The following SNX29 variants were observed in gnomAD, a reference collection of about 807,000 sequenced individuals.
The protein encoded by SNX29 is sorting nexin 29.
Under a neutral mutation model 102.1 loss-of-function variants are expected in SNX29, and 78 were observed. That is an observed-to-expected ratio of 0.76 (90% CI 0.64 to 0.92). SNX29 has a LOEUF of 0.92. Among genes scored for constraint, SNX29 ranks in the 40% least tolerant of loss-of-function variants. SNX29 has a pLI of 0.00. For missense variants in SNX29, 1,280 were observed against 1,061.7 expected, an observed-to-expected ratio of 1.21 and a Z score of -2.86; for synonymous variants, 580 against 414.5, an observed-to-expected ratio of 1.40 and a Z score of -4.85.
Position 12,569,985 on chromosome 16 carries a change from G to C in SNX29, c.*1356G>C, listed in dbSNP as rs1181314630. 1 of 249,320 alleles carries C rather than the reference G, an allele frequency of 4.0e-6. No homozygotes were observed. Among genetic ancestry groups the C allele is most frequent in the Admixed American group, 5.6e-5 (1 of 17,764 alleles). 15.4% of individuals were successfully genotyped at this position (249,320 alleles called of 1,614,324 possible). A position where few individuals can be genotyped will look rare whatever the true frequency, so the allele number is the denominator to read the frequency against. Reference sequence around the variant, plus strand: ...TAAGCCATGGGCTTGTCCTGGAACTGCTTCAACTCAGTGGCTTAAAATGAG... The same window carrying C: ...TAAGCCATGGGCTTGTCCTGGAACTCCTTCAACTCAGTGGCTTAAAATGAG... On this transcript the variant is annotated 3_prime_UTR_variant, in exon 21 of 21. Coordinates refer to ENST00000566228, the MANE Select transcript of SNX29 (RefSeq NM_032167.5).
At chr16:12,508,738 C>G (rs1012674892) in intron 19 of SNX29, among the ~76,000 whole-genome samples, 2 of 152,124 alleles carry the variant, frequency 1.3e-5, no homozygotes, top group African/African-American at 4.8e-5. Flanking sequence ...TTTCTTTTAT[C>G]TCCACCAGCT....
At chr16:12,461,400 G>A (rs1450733449) in intron 18 of SNX29, among the ~76,000 whole-genome samples, 1 of 152,174 alleles carries the variant, frequency 6.6e-6, no homozygotes, top group Non-Finnish European at 1.5e-5. Flanking sequence ...AGGCACGTTT[G>A]GCTTCCTGCC....
intron 19 of SNX29, among the ~76,000 whole-genome samples, chr16:12,505,696 A>G (rs577829461): frequency 1.4e-4 from 19 of 140,390 alleles, no homozygotes; most frequent in Admixed American, 4.6e-4. Flanking sequence ...TTCTTTTTCA[A>G]CATTAGTTTG....
chr16:12,402,632 G>T (rs1222285928), intron 17 of SNX29, among the ~76,000 whole-genome samples: 1 of 152,242 alleles, frequency 6.6e-6, no homozygotes, highest in Non-Finnish European at 1.5e-5. Context: ...CATCACAGAA[G>T]ACAAAACAAT....
chr16:12,285,634 A>G (rs930548559), intron 15 of SNX29, among the ~76,000 whole-genome samples: 3 of 152,192 alleles, frequency 2.0e-5, no homozygotes, highest in African/African-American at 2.4e-5. Flanking sequence ...AGCAGCCAGG[A>G]CCTTGGGAGC....
chr16:12,306,130 T>G (rs1428735142), intron 15 of SNX29, among the ~76,000 whole-genome samples: 1 of 151,180 alleles, frequency 6.6e-6, no homozygotes, highest in Non-Finnish European at 1.5e-5. Flanking sequence ...GAACCTCCAT[T>G]TCCCTCTTCT....
intron 19 of SNX29, among the ~76,000 whole-genome samples, chr16:12,489,649 C>G (rs187716253): frequency 1.5e-4 from 23 of 152,294 alleles, no homozygotes; most frequent in African/African-American, 5.3e-4. Context: ...CCCTCAAACG[C>G]CAGCATAAAA....
chr16:12,487,635 T>C (rs969271522), intron 19 of SNX29, among the ~76,000 whole-genome samples: 6 of 152,192 alleles, frequency 3.9e-5, no homozygotes, highest in African/African-American at 1.4e-4. Context: ...AGTCACCTAC[T>C]ACAGGTTTCA....
At chr16:12,008,095 C>A (rs1220277141) in intron 3 of SNX29, among the ~76,000 whole-genome samples, 2 of 152,090 alleles carry the variant, frequency 1.3e-5, no homozygotes, top group African/African-American at 4.8e-5. Flanking sequence ...AGACGCCCGC[C>A]ACCATGCCCA....
intron 11 of SNX29, among the ~76,000 whole-genome samples, chr16:12,112,993 G>C (rs977271410): frequency 8.5e-5 from 13 of 152,224 alleles, no homozygotes; most frequent in Admixed American, 7.9e-4. Flanking sequence ...GGTGGACTCT[G>C]AGTCTCAGGA....
intron 13 of SNX29, among the ~76,000 whole-genome samples, chr16:12,170,414 G>GT (rs2076119331): frequency 6.6e-6 from 1 of 152,066 alleles, no homozygotes; most frequent in African/African-American, 2.4e-5. Context: ...CCAGCTCTGG[G>GT]TCTCCTCTGT....
At chr16:12,411,493 C>A (rs931246280) in intron 18 of SNX29, among the ~76,000 whole-genome samples, 3 of 152,254 alleles carry the variant, frequency 2.0e-5, no homozygotes, top group African/African-American at 7.2e-5. Context: ...TCTCCCCTTC[C>A]TGCTGGACAT....
intron 11 of SNX29, chr16:12,088,122 G>T (rs1352930350): frequency 4.4e-6 from 2 of 456,594 alleles, no homozygotes; most frequent in Non-Finnish European, 8.8e-6. Context: ...GTCTGAGGCT[G>T]CAGGGCACCA....
At chr16:12,341,025 G>A (rs998194514) in intron 15 of SNX29, among the ~76,000 whole-genome samples, 1 of 152,176 alleles carries the variant, frequency 6.6e-6, no homozygotes, top group African/African-American at 2.4e-5. Context: ...ATAATGCCTT[G>A]AAGAGACGTG....
rs183494690 is a variant in SNX29 at position 12,524,600 on chromosome 16, G to A, written c.2179-102G>A. On this transcript the variant is annotated intron_variant, in intron 19 of 20. Coordinates refer to ENST00000566228, the MANE Select transcript of SNX29 (RefSeq NM_032167.5). The stretch of plus-strand genomic sequence containing the variant: ...ACGAGATAGTTGCTCAATCAGTGTT[G>A]GTTGCCTGGATGGCGCTGATGGGTG... The A allele has an allele frequency of 2.2e-3, 2,977 of 1,378,008 alleles. 6 individuals carry two copies. Among genetic ancestry groups the A allele is most frequent in the Non-Finnish European group, 2.5e-3 (2,545 of 1,027,178 alleles). The allele number at this position is 1,378,008 out of a possible 1,614,324, so 85.4% of individuals were successfully genotyped here. A position where few individuals can be genotyped will look rare whatever the true frequency, so the allele number is the denominator to read the frequency against.
chr16:12,542,215 A>C (rs752179702), intron 20 of SNX29, among the ~76,000 whole-genome samples: 1 of 152,142 alleles, frequency 6.6e-6, no homozygotes, highest in South Asian at 2.1e-4. Context: ...AGGAATCTGC[A>C]ACTCAGAGGG....
At chr16:12,421,096 T>G (rs1355217786) in intron 18 of SNX29, among the ~76,000 whole-genome samples, 1 of 152,064 alleles carries the variant, frequency 6.6e-6, no homozygotes, top group Non-Finnish European at 1.5e-5. Context: ...CACAGGAAGG[T>G]TAAGTGCCTT....
intron 18 of SNX29, among the ~76,000 whole-genome samples, chr16:12,419,914 A>G (rs931981211): frequency 6.6e-6 from 1 of 152,198 alleles, no homozygotes; most frequent in African/African-American, 2.4e-5. Flanking sequence ...CAGAAGGGAG[A>G]TGGTGTTTAA....
chr16:12,167,145 C>T (rs2076034923), intron 13 of SNX29, among the ~76,000 whole-genome samples: 1 of 152,206 alleles, frequency 6.6e-6, no homozygotes, highest in African/African-American at 2.4e-5. Flanking sequence ...GCCTTCCTGG[C>T]CATCTCATAG....
Sources: gnomAD v4.1 joint callset for allele counts (sites outside exome capture counted in the v4.1 genomes callset) on GRCh38, gnomAD v4.1.1 for gene constraint, MANE v1.5 for transcripts, NCBI Gene and HGNC (gene_info 2026-07-23, HGNC 2026-07-21) for gene names.